The following HERC1 variants were observed in gnomAD, a reference collection of about 807,000 sequenced individuals.
HERC1 encodes the protein probable E3 ubiquitin-protein ligase HERC1.
A neutral mutation model predicts 554.3 loss-of-function variants in HERC1; 160 were observed. The ratio of observed to expected loss-of-function variants is 0.29; its 90% CI spans 0.25 to 0.33. The LOEUF (loss-of-function observed/expected upper bound fraction) is 0.33, where lower values mean the gene tolerates loss of function less well. Ranked by LOEUF, HERC1 falls within the 10% of genes least tolerant of loss-of-function variation. The pLI, the probability that HERC1 is intolerant of heterozygous loss-of-function variation, is 1.00. For synonymous variants in HERC1, 2,175 were observed against 2,131.7 expected (o/e 1.02, Z -0.56); for missense variants, 4,919 against 5,918.5 (o/e 0.83, Z 5.54).
intron 54 of HERC1, 41 bp from the exon 55 acceptor site, chr15:63,648,240 T>C: frequency 6.4e-7 from 1 of 1,554,400 alleles, no homozygotes; most frequent in Non-Finnish European, 8.8e-7. Flanking sequence ...AAGATAATTA[T>C]TTGTCATTGT....
intron 71 of HERC1, among the ~76,000 whole-genome samples, chr15:63,625,213 T>C (rs1479730265): frequency 1.3e-5 from 2 of 152,210 alleles, no homozygotes; most frequent in Non-Finnish European, 2.9e-5. Context: ...AAATTTACTT[T>C]ATTTCCCCGA....
At position 63,749,375 on chromosome 15, in the gene HERC1, A is replaced by T. The variant is rs538246830; in HGVS notation, c.2211T>A (p.Pro737=). The T allele has an allele frequency of 2.2e-5, 35 of 1,605,286 alleles. No individual in the cohort carries two copies. In the South Asian group the frequency reaches 3.6e-4, roughly 17 times the overall value. The change falls in exon 10 of 78, where the codon CCT becomes CCA. Residue 737 remains proline (P), a synonymous_variant. Coordinates refer to ENST00000443617, the MANE Select transcript of HERC1 (RefSeq NM_003922.4). The surrounding 1 kb of genome is among the most constrained non-coding windows in gnomAD (Gnocchi z 4.1). Reference sequence around the variant, plus strand: ...AACATAGGCACTCTTACCTGTCCCTAGGAAGAGCAGTCCATGCCAGACTAT... The same window carrying T: ...AACATAGGCACTCTTACCTGTCCCTTGGAAGAGCAGTCCATGCCAGACTAT... ...TSHSLAWTAL[P]RDRQVVAWHR...
intron 1 of HERC1, among the ~76,000 whole-genome samples, chr15:63,832,826 TA>T (rs573178935): frequency 2.1e-4 from 32 of 150,998 alleles, no homozygotes; most frequent in African/African-American, 1.9e-4. Flanking sequence ...CAAGCAAGGA[TA>T]AAAAAAAATG....
chr15:63,670,355 G>A (rs1418063392), intron 39 of HERC1, among the ~76,000 whole-genome samples: 1 of 151,384 alleles, frequency 6.6e-6, no homozygotes, highest in Admixed American at 6.6e-5. Context: ...AGCAGTCAGA[G>A]TATAAAGTCC....
At chr15:63,695,334 G>C (rs879831141) in intron 27 of HERC1, among the ~76,000 whole-genome samples, 1 of 151,492 alleles carries the variant, frequency 6.6e-6, no homozygotes, top group Admixed American at 6.6e-5. Context: ...ACCATGCCCA[G>C]CCTCCAAATT....
At chr15:63,711,938 C>G (rs182925340) in intron 24 of HERC1, among the ~76,000 whole-genome samples, 6 of 152,302 alleles carry the variant, frequency 3.9e-5, no homozygotes, top group African/African-American at 1.4e-4. Flanking sequence ...CAATTAACTC[C>G]AAGTCCAAAG....
At position 63,698,904 on chromosome 15, in the gene HERC1, C is replaced by G. The variant is rs955199451; in HGVS notation, c.4729G>C (p.Glu1577Gln). Reference protein sequence around the residue: ...DWLCNSSYSFESDFDLTKSLG... With the variant: ...DWLCNSSYSFQSDFDLTKSLG... The stretch of plus-strand genomic sequence containing the variant: ...GACTTGGTAAGATCAAAATCTGACT[C>G]AAAGGAATAGGAGGAGTTGCATAAC... The change falls in exon 26 of 78, where the codon GAG (glutamate) becomes CAG (glutamine). Residue 1577 changes from glutamate to glutamine, a missense_variant. By Grantham distance (29) the Glu-to-Gln change is conservative. Coordinates refer to ENST00000443617, the MANE Select transcript of HERC1 (RefSeq NM_003922.4). 3 of 1,613,884 alleles carry G rather than the reference C, an allele frequency of 1.9e-6. No individual in the cohort carries two copies. Among genetic ancestry groups the G allele is most frequent in the Admixed American group, 1.7e-5 (1 of 60,016 alleles).
chr15:63,775,593 T>C lies in HERC1; in HGVS notation c.31A>G (p.Lys11Glu), dbSNP rs753765312. ...GAGCTGTTCAAGTGTTCAAGCCATTTCAGCTTCACTGGTGGAATCATAGTT... is the reference window on the plus strand; with the variant it reads ...GAGCTGTTCAAGTGTTCAAGCCATTCCAGCTTCACTGGTGGAATCATAGTT... The part of the protein sequence containing the change: MATMIPPVKL[K>E]WLEHLNSSWI... The change falls in exon 2 of 78, where the codon AAA becomes GAA. Residue 11 changes from lysine (K) to glutamate (E), a missense_variant. By Grantham distance (56) the Lys-to-Glu change is moderately conservative. Transcript: ENST00000443617. The surrounding 1 kb of genome is among the most constrained non-coding windows in gnomAD (Gnocchi z 4.0). The C allele has an allele frequency of 6.2e-7, 1 of 1,605,480 alleles. No homozygotes were observed. The highest frequency in any genetic ancestry group is 8.5e-7 in the Non-Finnish European group (1 of 1,176,524).
chr15:63,622,969 C>G, intron 73 of HERC1, 78 bp from the exon 74 acceptor site: 3 of 788,226 alleles, frequency 3.8e-6, no homozygotes, highest in Non-Finnish European at 6.1e-6. Flanking sequence ...CAAGATCATA[C>G]TGAAAAGAGA....
intron 68 of HERC1, chr15:63,632,393 A>G (rs2068600221): frequency 1.3e-5 from 5 of 383,838 alleles, no homozygotes; most frequent in South Asian, 1.1e-4. Context: ...GACACAGAGG[A>G]GCTCTGATGG....
intron 19 of HERC1, among the ~76,000 whole-genome samples, chr15:63,721,297 A>C (rs1188447835): frequency 1.3e-5 from 2 of 152,152 alleles, no homozygotes; most frequent in Non-Finnish European, 2.9e-5. Context: ...GCCGAGGCGG[A>C]TGGATCACCT....
chr15:63,776,001 G>A (rs1356799440), intron 1 of HERC1, among the ~76,000 whole-genome samples: 1 of 148,538 alleles, frequency 6.7e-6, no homozygotes, highest in Non-Finnish European at 1.5e-5. Flanking sequence ...TCGCGCCACT[G>A]CACTCCAGCC....
intron 52 of HERC1, 70 bp from the exon 53 acceptor site, chr15:63,651,450 A>G: frequency 1.4e-6 from 2 of 1,465,250 alleles, no homozygotes; most frequent in Middle Eastern, 1.8e-4. Context: ...CCCAAACCTT[A>G]AAATAAGGGT....
chr15:63,700,975 T>G (rs2072686441), intron 25 of HERC1, among the ~76,000 whole-genome samples: 2 of 151,986 alleles, frequency 1.3e-5, no homozygotes, highest in African/African-American at 4.8e-5. Context: ...GTATTTAGCC[T>G]TAACTTACAA....
intron 26 of HERC1, 119 bp from the exon 27 acceptor site, chr15:63,696,458 C>A (rs545527365): frequency 1.1e-5 from 7 of 649,196 alleles, no homozygotes; most frequent in Non-Finnish European, 1.3e-5. Context: ...TGAATCTATT[C>A]TAAGATAAAC....
rs755019875 is a variant in HERC1 at position 63,727,801 on chromosome 15, G to A, written c.3192C>T (p.Cys1064=). 6.2e-6 allele frequency: 10 copies of A among 1,613,814 alleles called. No homozygotes were observed. In the Admixed American group the frequency reaches 1.5e-4, roughly 24 times the overall value. ...GTAACAGCAGGGAGTTAACAATCTG[G>A]CAGAGCATACTGCCAGCAGCTGAGA... The part of the protein sequence containing the change: ...IYVSAAGSML[C]QIVNSLLLLP... Residue 1064 remains cysteine (C), a synonymous_variant, in exon 17 of 78, where the codon TGC becomes TGT. Transcript: ENST00000443617. This position sits in a 1 kb window ranked among gnomAD's most constrained non-coding sequence, Gnocchi z 4.3.
intron 24 of HERC1, among the ~76,000 whole-genome samples, chr15:63,712,289 G>A (rs1357630019): frequency 2.6e-5 from 4 of 152,218 alleles, no homozygotes; most frequent in Non-Finnish European, 4.4e-5. Context: ...CAGAAGGAAA[G>A]GGAGAGGAGA....
rs2072284941 is a variant in HERC1, at chr15:63,694,318, G to A, written c.5474C>T (p.Thr1825Ile). The A allele has an allele frequency of 1.2e-6, 2 of 1,612,362 alleles. No homozygotes were observed. Among genetic ancestry groups the A allele is most frequent in the Non-Finnish European group, 1.7e-6 (2 of 1,179,074 alleles). ...AGACATCTACCATACTTACCCAGTA[G>A]TGATGGCTAGAATCTGGAGCAACCT... ...STRLLQILAI[T>I]TGTYADKLSP... Residue 1825 changes from threonine to isoleucine, a missense_variant, in exon 29 of 78, where the codon ACT becomes ATT. Thr to Ile is a moderately conservative substitution (Grantham distance 89, BLOSUM62 -1). This residue lies in a region of HERC1 where 1,121 missense variants were observed against 1,244.0 expected (regional missense o/e 0.90). Coordinates refer to ENST00000443617, the MANE Select transcript of HERC1 (RefSeq NM_003922.4). The surrounding 1 kb of genome is among the most constrained non-coding windows in gnomAD (Gnocchi z 4.3).
chr15:63,616,577 G>A lies in HERC1; in HGVS notation c.13794C>T (p.Leu4598=). 1.2e-6 allele frequency: 2 copies of A among 1,613,984 alleles called. No homozygotes were observed. Among genetic ancestry groups the A allele is most frequent in the South Asian group, 2.2e-5 (2 of 91,084 alleles). The stretch of plus-strand genomic sequence containing the variant: ...GCTTCCACACCAGAGGGGCCAAGTG[G>A]AGGTCCAGAGGCTTCTTTGTGCGAA... The part of the protein sequence containing the change: ...VAIRTKKPLD[L]HLAPLVWKQL... The change falls in exon 75 of 78, where the codon CTC becomes CTT. Residue 4598 remains leucine (L), a synonymous_variant. Coordinates refer to ENST00000443617, the MANE Select transcript of HERC1 (RefSeq NM_003922.4).
Sources: allele counts gnomAD v4.1 joint callset (sites outside exome capture counted in the v4.1 genomes callset), GRCh38; gene constraint gnomAD v4.1.1; regional missense constraint gnomAD v4.1.1; non-coding constraint Gnocchi (gnomAD v3.1); transcripts MANE v1.5; gene names NCBI Gene and HGNC (gene_info 2026-07-23, HGNC 2026-07-21).